Variants in MRPS28 observed in about 807,000 individuals in gnomAD.
The protein encoded by MRPS28 is mitochondrial ribosomal protein S28, also known as small ribosomal subunit protein bS1m.
A neutral mutation model predicts 10.8 loss-of-function variants in MRPS28; 7 were observed. That is an observed-to-expected ratio of 0.65 (90% confidence interval 0.37 to 1.22). The LOEUF is 1.22. MRPS28 is among the 50% of genes most tolerant of loss of function. The pLI, the probability that MRPS28 is intolerant of heterozygous loss-of-function variation, is 0.02. For synonymous variants in MRPS28, 121 were observed against 93.3 expected, an observed-to-expected ratio of 1.30 and a Z score of -1.71; for missense variants, 265 against 232.9, an observed-to-expected ratio of 1.14 and a Z score of -0.90.
chr8:79,984,105 G>C (rs1412380792), intron 2 of MRPS28, among the ~76,000 whole-genome samples: 1 of 152,100 alleles, frequency 6.6e-6, no homozygotes, highest in Non-Finnish European at 1.5e-5. Flanking sequence ...CCAGAAGAGA[G>C]TGGGGGCCAA....
chr8:79,969,602 G>A (rs1288423384), intron 2 of MRPS28, among the ~76,000 whole-genome samples: 3 of 151,988 alleles, frequency 2.0e-5, no homozygotes, highest in South Asian at 2.1e-4. Flanking sequence ...ATGGGGTAAC[G>A]GAAAAACCTG....
chr8:80,017,290 G>A (rs1809220565), intron 1 of MRPS28, among the ~76,000 whole-genome samples: 1 of 152,038 alleles, frequency 6.6e-6, no homozygotes, highest in Non-Finnish European at 1.5e-5. Flanking sequence ...AATTAGCACA[G>A]AAAGCAATGA....
intron 1 of MRPS28, among the ~76,000 whole-genome samples, chr8:80,029,283 C>T (rs964117146): frequency 1.3e-5 from 2 of 152,200 alleles, no homozygotes; most frequent in Non-Finnish European, 2.9e-5. Context: ...ACCCAGGACA[C>T]TGCCAGTCTT....
At chr8:79,930,901 T>A (rs924091644) in intron 2 of MRPS28, among the ~76,000 whole-genome samples, 14 of 152,178 alleles carry the variant, frequency 9.2e-5, no homozygotes, top group Non-Finnish European at 1.5e-5. Context: ...ATAAAAAATA[T>A]CAAACCATCT....
chr8:80,002,899 T>C, intron 2 of MRPS28, 100 bp downstream of exon 2: 1 of 1,014,796 alleles, frequency 9.9e-7, no homozygotes, highest in Non-Finnish European at 1.4e-6. Flanking sequence ...ATAAATATGT[T>C]TTCTGTCTTT....
intron 1 of MRPS28, chr8:80,029,800 G>A (rs1355327166): frequency 6.6e-7 from 1 of 1,523,808 alleles, no homozygotes; most frequent in Non-Finnish European, 8.8e-7. Flanking sequence ...CAAGCGCAGT[G>A]TGGACAGACC....
intron 2 of MRPS28, among the ~76,000 whole-genome samples, chr8:79,929,874 A>C (rs528122815): frequency 2.6e-5 from 4 of 152,308 alleles, no homozygotes; most frequent in South Asian, 2.1e-4. Context: ...TCTGTGACCC[A>C]GAAAGCCTAA....
At chr8:80,019,133 G>A (rs1382592019) in intron 1 of MRPS28, among the ~76,000 whole-genome samples, 1 of 151,858 alleles carries the variant, frequency 6.6e-6, no homozygotes, top group Non-Finnish European at 1.5e-5. Flanking sequence ...CCTAGTGTTT[G>A]AGAGCACAAC....
intron 2 of MRPS28, among the ~76,000 whole-genome samples, chr8:79,933,294 C>T (rs1480133194): frequency 6.6e-6 from 1 of 152,160 alleles, no homozygotes; most frequent in African/African-American, 2.4e-5. Context: ...CCTCACGTGG[C>T]CCTCTCTCAC....
rs777403292 is a variant in MRPS28, at chr8:80,030,036, C to T, written c.213G>A (p.Lys71=). ...TCCCTCTCACCCGCCCGGGCTCCACCTTCTGTAGGGGCTCCACCTTCTGTA... is the reference window on the plus strand; with the variant it reads ...TCCCTCTCACCCGCCCGGGCTCCACTTTCTGTAGGGGCTCCACCTTCTGTA... The part of the protein sequence containing the change: ...ELLQKVEPLQ[K]GSPKNVESFA... Residue 71 remains lysine, a splice_region_variant and synonymous_variant, in exon 1 of 3, where the codon AAG becomes AAA. Coordinates refer to ENST00000276585, the MANE Select transcript of MRPS28 (RefSeq NM_014018.3). The T allele has an allele frequency of 1.9e-6, 3 of 1,612,650 alleles. No individual in the cohort carries two copies. The highest frequency in any genetic ancestry group is 2.2e-5 in the East Asian group (1 of 44,850).
intron 2 of MRPS28, among the ~76,000 whole-genome samples, chr8:79,978,716 C>CA (rs1242877567): frequency 6.6e-6 from 1 of 152,042 alleles, no homozygotes; most frequent in Non-Finnish European, 1.5e-5. Flanking sequence ...AAAAACAAAA[C>CA]AAAATAAATA....
intron 1 of MRPS28, among the ~76,000 whole-genome samples, chr8:80,017,115 C>A (rs370935955): frequency 1.3e-5 from 2 of 152,146 alleles, no homozygotes; most frequent in African/African-American, 4.8e-5. Context: ...TCAGACCACA[C>A]TAGAATTTAA....
At position 80,010,844 on chromosome 8, in the gene MRPS28, C is replaced by T. The variant is rs143048826; in HGVS notation, c.214-7664G>A. Among the ~76,000 whole-genome samples, 336 of 152,324 alleles carry T rather than the reference C, an allele frequency of 2.2e-3. 2 individuals are homozygous for T. Among genetic ancestry groups the T allele is most frequent in the African/African-American group, 7.7e-3 (318 of 41,564 alleles). On this transcript the variant is annotated intron_variant, in intron 1 of 2. Transcript: ENST00000276585. ...GAACTGAAACACACAGGGAAAAAAT[C>T]CTTAGCACAAAAGGGTCAATCTAAA... is the stretch of plus-strand genomic sequence containing the variant.
At chr8:79,955,224 C>T (rs1429126580) in intron 2 of MRPS28, among the ~76,000 whole-genome samples, 2 of 152,106 alleles carry the variant, frequency 1.3e-5, no homozygotes, top group African/African-American at 2.4e-5. Context: ...ATCTGCCATG[C>T]GGGGTGATGA....
At chr8:79,928,312 T>C (rs1209263983) in intron 2 of MRPS28, among the ~76,000 whole-genome samples, 2 of 152,018 alleles carry the variant, frequency 1.3e-5, no homozygotes, top group Non-Finnish European at 2.9e-5. Context: ...CCCTGGGCAA[T>C]GGAGTGAGCA....
intron 2 of MRPS28, among the ~76,000 whole-genome samples, chr8:79,986,739 A>C (rs1390129696): frequency 6.6e-6 from 1 of 151,586 alleles, no homozygotes; most frequent in Non-Finnish European, 1.5e-5. Flanking sequence ...GACCTCTTCA[A>C]GGAGAACTAC....
intron 2 of MRPS28, among the ~76,000 whole-genome samples, chr8:79,943,104 C>G (rs767491480): frequency 2.6e-5 from 4 of 152,202 alleles, no homozygotes; most frequent in Non-Finnish European, 5.9e-5. Context: ...GCTCTTCCCC[C>G]AGCTGTGAAG....
At chr8:80,025,338 C>G (rs1377269037) in intron 1 of MRPS28, among the ~76,000 whole-genome samples, 3 of 152,028 alleles carry the variant, frequency 2.0e-5, no homozygotes, top group African/African-American at 7.3e-5. Context: ...TGAGTTGATA[C>G]GGGGGTGAGG....
intron 1 of MRPS28, among the ~76,000 whole-genome samples, chr8:80,008,184 A>C (rs913647243): frequency 6.6e-4 from 100 of 152,336 alleles, no homozygotes; most frequent in African/African-American, 1.9e-3. Flanking sequence ...AGGATTCCCT[A>C]TTTAATAAAT....
Sources: gnomAD v4.1 joint callset for allele counts (sites outside exome capture counted in the v4.1 genomes callset) on GRCh38, gnomAD v4.1.1 for gene constraint, MANE v1.5 for transcripts, NCBI Gene and HGNC (gene_info 2026-07-23, HGNC 2026-07-21) for gene names.